PXK: variants seen among roughly 807,000 people sequenced by gnomAD.
PXK encodes the protein PX domain-containing protein kinase-like protein.
A neutral mutation model predicts 84.7 loss-of-function variants in PXK; 35 were observed. That is an observed-to-expected ratio of 0.41 (90% CI 0.32 to 0.55). The LOEUF is 0.55. PXK is among the 20% of genes least tolerant of loss of function. The pLI, the probability that PXK is intolerant of heterozygous loss-of-function variation, is 0.21. For missense variants in PXK, 634 were observed against 699.7 expected (o/e 0.91, Z 1.06); for synonymous variants, 253 against 260.8 (o/e 0.97, Z 0.29).
chr3:58,421,446 T>G lies in PXK; in HGVS notation c.1529-3306T>G, dbSNP rs1175222170. 1.3e-6 allele frequency: 1 copy of G among 769,952 alleles called. No individual in the cohort carries two copies. Among genetic ancestry groups the G allele is most frequent in the Non-Finnish European group, 1.6e-6 (1 of 633,274 alleles). 47.7% of individuals were successfully genotyped at this position (769,952 alleles called of 1,614,324 possible). A position where few individuals can be genotyped will look rare whatever the true frequency, so the allele number is the denominator to read the frequency against. On this transcript the variant is annotated intron_variant, in intron 17 of 17. Transcript: ENST00000356151. This position sits in a 1 kb window ranked among gnomAD's most constrained non-coding sequence, Gnocchi z 5.5. ...AAATACAAAAATTAGGTGGGCATGG[T>G]ACCACGCGCCTGTAATCCCAGCTAC... is the stretch of plus-strand genomic sequence containing the variant.
rs1300608622 is a variant in PXK at position 58,412,421 on chromosome 3, G to A, written c.1466-480G>A. Among the ~76,000 whole-genome samples, 2 of 152,122 alleles carry A rather than the reference G, an allele frequency of 1.3e-5. No individual in the cohort carries two copies. Among genetic ancestry groups the A allele is most frequent in the Admixed American group, 6.6e-5 (1 of 15,260 alleles). On this transcript the variant is annotated intron_variant, in intron 16 of 17. Coordinates refer to ENST00000356151, the MANE Select transcript of PXK (RefSeq NM_017771.5). This position sits in a 1 kb window ranked among gnomAD's most constrained non-coding sequence, Gnocchi z 6.2. Reference sequence around the variant, plus strand: ...AAACTGAATAGACTGACCCTATCTAGTTGATTCTACCTGCTGATAAAATGG... The same window carrying A: ...AAACTGAATAGACTGACCCTATCTAATTGATTCTACCTGCTGATAAAATGG...
At position 58,398,136 on chromosome 3, in the gene PXK, C is replaced by T. The variant is rs1169227285; in HGVS notation, c.1102+414C>T. 1.3e-5 allele frequency among the ~76,000 whole-genome samples: 2 copies of T among 152,164 alleles called. No individual in the cohort carries two copies. The highest frequency in any genetic ancestry group is 2.9e-5 in the Non-Finnish European group (2 of 68,040). The stretch of plus-strand genomic sequence containing the variant: ...ACAAGAGAGGCCAGGCATGGTGGCT[C>T]ACACCTGTAATCCCAGCACTTTGGA... On this transcript the variant is annotated intron_variant, in intron 11 of 17. Transcript: ENST00000356151. This position sits in a 1 kb window ranked among gnomAD's most constrained non-coding sequence, Gnocchi z 4.5.
chr3:58,418,759 C>G (rs4470539), intron 17 of PXK, among the ~76,000 whole-genome samples: 114,936 of 152,120 alleles, frequency 0.76, 43,645 homozygotes, highest in South Asian at 0.82. Context: ...TATGTTTTAA[C>G]CAATAATTTT....
intron 3 of PXK, among the ~76,000 whole-genome samples, chr3:58,381,381 A>T (rs370700139): frequency 3.9e-5 from 6 of 152,182 alleles, no homozygotes; most frequent in South Asian, 2.1e-4. Flanking sequence ...TAGGATAAGG[A>T]TGAAAGGAGG....
At chr3:58,415,716 A>C (rs2060853279) in intron 17 of PXK, among the ~76,000 whole-genome samples, 1 of 152,254 alleles carries the variant, frequency 6.6e-6, no homozygotes, top group African/African-American at 2.4e-5. Flanking sequence ...GACAGAAAGG[A>C]AGGCATTTAT....
intron 17 of PXK, among the ~76,000 whole-genome samples, chr3:58,424,411 G>A (rs1049122505): frequency 6.6e-6 from 1 of 152,206 alleles, no homozygotes; most frequent in Non-Finnish European, 1.5e-5. Flanking sequence ...TAAAGTAACT[G>A]ATAGATGGAA....
chr3:58,375,999 C>T (rs964395493), intron 3 of PXK, among the ~76,000 whole-genome samples: 7 of 152,090 alleles, frequency 4.6e-5, no homozygotes, highest in African/African-American at 1.7e-4. Context: ...ATTAATCTTT[C>T]TTAAATTATA....
rs1414220594 is a variant in PXK, at chr3:58,424,793, C to G, written c.1570C>G (p.Pro524Ala). ...LPPPPPPPPP[P>A]AAPLPPASTE... ...TCCACCTCCTCCACCTCCACCACCACCAGCAGCTCCCTTGCCTCCTGCGAG... is the reference window on the plus strand; with the variant it reads ...TCCACCTCCTCCACCTCCACCACCAGCAGCAGCTCCCTTGCCTCCTGCGAG... The change falls in exon 18 of 18, where the codon CCA becomes GCA. Residue 524 changes from proline (P) to alanine (A), a missense_variant. By Grantham distance (27) the Pro-to-Ala change is conservative (BLOSUM62 -1). Transcript: ENST00000356151. The G allele has an allele frequency of 1.2e-5, 19 of 1,614,050 alleles. No homozygotes were observed. The highest frequency in any genetic ancestry group is 1.4e-5 in the Non-Finnish European group (17 of 1,180,018).
chr3:58,347,106 G>A (rs1041695865), intron 1 of PXK, among the ~76,000 whole-genome samples: 2 of 152,142 alleles, frequency 1.3e-5, no homozygotes, highest in Non-Finnish European at 2.9e-5. Context: ...TTCCCAAAGT[G>A]CTGGGATTAC....
chr3:58,424,716 G>A (rs769482851), intron 17 of PXK, 36 bp from the exon 18 acceptor site: 1 of 1,602,402 alleles, frequency 6.2e-7, no homozygotes, highest in South Asian at 1.1e-5. Flanking sequence ...GGCAGCTGTG[G>A]AGGTGAATAC....
Position 58,390,445 on chromosome 3 carries a change from T to C in PXK, c.389-137T>C, listed in dbSNP as rs1434964540. The C allele has an allele frequency of 2.1e-6, 1 of 483,732 alleles. No individual in the cohort carries two copies. The highest frequency in any genetic ancestry group is 3.5e-6 in the Non-Finnish European group (1 of 287,402). 30.0% of individuals were successfully genotyped at this position (483,732 alleles called of 1,614,324 possible). On this transcript the variant is annotated intron_variant, in intron 4 of 17. Coordinates refer to ENST00000356151, the MANE Select transcript of PXK (RefSeq NM_017771.5). The surrounding 1 kb of genome is among the most constrained non-coding windows in gnomAD (Gnocchi z 4.2). ...AGTTTGTGTGTATTTTCTTTCTTTATTATTATTTTTTTTTTGGTAATTAAG... is the reference window on the plus strand; with the variant it reads ...AGTTTGTGTGTATTTTCTTTCTTTACTATTATTTTTTTTTTGGTAATTAAG...
At chr3:58,418,595 A>G (rs890029823) in intron 17 of PXK, among the ~76,000 whole-genome samples, 15 of 123,338 alleles carry the variant, frequency 1.2e-4, no homozygotes, top group Non-Finnish European at 2.6e-4. Context: ...ACCTTGGACA[A>G]ATAATTTCTG....
rs1491343784 is a variant in PXK at position 58,351,394 on chromosome 3, T to TG, written c.103-14480_103-14479insG. Among the ~76,000 whole-genome samples the TG allele has an allele frequency of 3.0e-4, 29 of 97,398 alleles. No homozygotes were observed. In the South Asian group the frequency reaches 6.8e-3, roughly 23 times the overall value. The allele number at this position is 97,398 out of a possible 152,430, so 63.9% of individuals were successfully genotyped here. ...AGGTGTGCGCCACCACAGCTAGCTA[T>TG]TTGTGTGTGTGTGTGTGTGTGTGTG... On this transcript the variant is annotated intron_variant, in intron 1 of 17. Transcript: ENST00000356151.
chr3:58,355,647 A>G (rs1456293349), intron 1 of PXK, among the ~76,000 whole-genome samples: 1 of 152,232 alleles, frequency 6.6e-6, no homozygotes, highest in Non-Finnish European at 1.5e-5. Context: ...AACAAATTGC[A>G]AATGGGGATG....
chr3:58,415,374 C>T (rs568377957), intron 17 of PXK, among the ~76,000 whole-genome samples: 55 of 152,320 alleles, frequency 3.6e-4, no homozygotes, highest in African/African-American at 1.3e-3. Flanking sequence ...GGAGTTCCCA[C>T]CGTTAATTTG....
intron 17 of PXK, 52 bp downstream of exon 17, chr3:58,413,015 AGCG>A: frequency 6.3e-7 from 1 of 1,577,884 alleles, no homozygotes. Flanking sequence ...CAACAGGAGG[AGCG>A]GGCTGTGCCT....
At chr3:58,423,232 T>G (rs1576910256) in intron 17 of PXK, 2 of 980,350 alleles carry the variant, frequency 2.0e-6, no homozygotes, top group East Asian at 2.3e-4. Flanking sequence ...TTACTTCAGG[T>G]TTAAAGTCCT....
chr3:58,421,652 G>A lies in PXK; in HGVS notation c.1529-3100G>A. 2 of 988,180 alleles carry A rather than the reference G, an allele frequency of 2.0e-6. No homozygotes were observed. Among genetic ancestry groups the A allele is most frequent in the Non-Finnish European group, 2.4e-6 (2 of 830,248 alleles). The allele number at this position is 988,180 out of a possible 1,614,324, so 61.2% of individuals were successfully genotyped here. ...AGGCTGTCAAGGGGGTTTCTGGCCT[G>A]GCATTCCTCCCTAGATCTGACCTAC... On this transcript the variant is annotated intron_variant, in intron 17 of 17. Coordinates refer to ENST00000356151, the MANE Select transcript of PXK (RefSeq NM_017771.5). The surrounding 1 kb of genome is among the most constrained non-coding windows in gnomAD (Gnocchi z 5.5).
Position 58,409,713 on chromosome 3 carries a change from G to A in PXK, c.1395+95G>A. On this transcript the variant is annotated intron_variant, in intron 15 of 17. Coordinates refer to ENST00000356151, the MANE Select transcript of PXK (RefSeq NM_017771.5). This position sits in a 1 kb window ranked among gnomAD's most constrained non-coding sequence, Gnocchi z 4.2. ...TGGTGCCCATTTAATGACAGATGCT[G>A]TGCTATATCTCCTTGAAAGCTAAGA... is the stretch of plus-strand genomic sequence containing the variant. 2 of 972,650 alleles carry A rather than the reference G, an allele frequency of 2.1e-6. No individual in the cohort carries two copies. Among genetic ancestry groups the A allele is most frequent in the South Asian group, 1.6e-5 (1 of 61,370 alleles). The allele number at this position is 972,650 out of a possible 1,614,324, so 60.3% of individuals were successfully genotyped here.
Sources: allele counts gnomAD v4.1 joint callset (sites outside exome capture counted in the v4.1 genomes callset), GRCh38; gene constraint gnomAD v4.1.1; non-coding constraint Gnocchi (gnomAD v3.1); transcripts MANE v1.5; gene names NCBI Gene and HGNC (gene_info 2026-07-23, HGNC 2026-07-21).